The following CEP43 variants were observed in gnomAD, a reference collection of about 807,000 sequenced individuals.
CEP43 encodes FGFR1 oncogene partner.
Under a neutral mutation model 52.6 loss-of-function variants are expected in CEP43, and 36 were observed. The ratio of observed to expected loss-of-function variants is 0.68; its 90% CI spans 0.52 to 0.90. CEP43 has a LOEUF of 0.90. Ranked by LOEUF, CEP43 falls within the 40% of genes least tolerant of loss-of-function variation. The probability of loss-of-function intolerance (pLI) is 0.00; values close to 1 mark genes in which losing one functional copy is unlikely to be tolerated. For synonymous variants in CEP43, 192 were observed against 172.4 expected, an observed-to-expected ratio of 1.11 and a Z score of -0.89; for missense variants, 506 against 472.8, an observed-to-expected ratio of 1.07 and a Z score of -0.65.
intron 7 of CEP43, among the ~76,000 whole-genome samples, chr6:167,022,070 A>G (rs1280497452): frequency 1.3e-5 from 2 of 152,238 alleles, no homozygotes; most frequent in East Asian, 1.9e-4. Flanking sequence ...TTGTTTCTCA[A>G]TGGGAAAGTG....
rs945866730 is a variant in CEP43 at position 167,043,434 on chromosome 6, G to A, written c.*3456G>A. ...TTGTTCTTGTTGCCCAGGCTGGAGT[G>A]CCATGGGGCGACCTCGGCTCACTGC... is the stretch of plus-strand genomic sequence containing the variant. On this transcript the variant is annotated 3_prime_UTR_variant, in exon 13 of 13. Coordinates refer to ENST00000366847, the MANE Select transcript of CEP43 (RefSeq NM_007045.4). The A allele has an allele frequency of 1.4e-5, 2 of 143,574 alleles. No individual in the cohort carries two copies. The highest frequency in any genetic ancestry group is 3.0e-5 in the Non-Finnish European group (2 of 66,966). 8.9% of individuals were successfully genotyped at this position (143,574 alleles called of 1,614,324 possible). A position where few individuals can be genotyped will look rare whatever the true frequency, so the allele number is the denominator to read the frequency against.
intron 5 of CEP43, among the ~76,000 whole-genome samples, chr6:167,006,722 T>G (rs1303170816): frequency 6.6e-6 from 1 of 152,210 alleles, no homozygotes; most frequent in Non-Finnish European, 1.5e-5. Flanking sequence ...ACCAGTCCCC[T>G]GTGGATACTG....
chr6:167,031,835 T>C (rs78929321), intron 10 of CEP43, among the ~76,000 whole-genome samples: 1 of 152,208 alleles, frequency 6.6e-6, no homozygotes, highest in Admixed American at 6.5e-5. Flanking sequence ...GCTGCTGATT[T>C]GCAAATTTGT....
At position 167,040,639 on chromosome 6, in the gene CEP43, G is replaced by A; in HGVS notation, c.*661G>A. 9.7e-7 allele frequency: 1 copy of A among 1,030,348 alleles called. No homozygotes were observed. Among genetic ancestry groups the A allele is most frequent in the Non-Finnish European group, 1.2e-6 (1 of 854,900 alleles). 63.8% of individuals were successfully genotyped at this position (1,030,348 alleles called of 1,614,324 possible). A position where few individuals can be genotyped will look rare whatever the true frequency, so the allele number is the denominator to read the frequency against. On this transcript the variant is annotated 3_prime_UTR_variant, in exon 13 of 13. Coordinates refer to ENST00000366847, the MANE Select transcript of CEP43 (RefSeq NM_007045.4). The stretch of plus-strand genomic sequence containing the variant: ...GTTATGAGTTTTAATTCATAGAATT[G>A]TCAATAACATAACATTTGCAATCGT...
rs1330540915 is a variant in CEP43 at position 167,042,256 on chromosome 6, G to A, written c.*2278G>A. On this transcript the variant is annotated 3_prime_UTR_variant, in exon 13 of 13. Coordinates refer to ENST00000366847, the MANE Select transcript of CEP43 (RefSeq NM_007045.4). Reference sequence around the variant, plus strand: ...ATGTGAAGTGACAGGTTTTGCATGTGATGAGTGTTTTCTGTTAAAAAATAA... The same window carrying A: ...ATGTGAAGTGACAGGTTTTGCATGTAATGAGTGTTTTCTGTTAAAAAATAA... 8 of 1,005,816 alleles carry A rather than the reference G, an allele frequency of 8.0e-6. No individual in the cohort carries two copies. Among genetic ancestry groups the A allele is most frequent in the Non-Finnish European group, 9.5e-6 (8 of 841,130 alleles). The allele number at this position is 1,005,816 out of a possible 1,614,324, so 62.3% of individuals were successfully genotyped here. A position where few individuals can be genotyped will look rare whatever the true frequency, so the allele number is the denominator to read the frequency against.
At position 167,024,778 on chromosome 6, in the gene CEP43, T is replaced by C; in HGVS notation, c.807-4T>C. ...ACCGATTAACTGTCCTTGTTTCTTG[T>C]TAGGAGGAAGGAACCTAGGAAGCAA... On this transcript the variant is annotated splice_polypyrimidine_tract_variant and splice_region_variant and intron_variant, in intron 8 of 12. Transcript: ENST00000366847. 6.2e-7 allele frequency: 1 copy of C among 1,607,194 alleles called. No homozygotes were observed. Among genetic ancestry groups the C allele is most frequent in the South Asian group, 1.1e-5 (1 of 90,598 alleles).
intron 5 of CEP43, among the ~76,000 whole-genome samples, chr6:167,008,502 T>C (rs1052038241): frequency 2.0e-5 from 3 of 152,078 alleles, no homozygotes; most frequent in African/African-American, 7.2e-5. Flanking sequence ...TCTTGCTCTG[T>C]TGCCCAGGCT....
At chr6:167,017,346 A>G (rs144725253) in intron 7 of CEP43, among the ~76,000 whole-genome samples, 1 of 152,322 alleles carries the variant, frequency 6.6e-6, no homozygotes, top group East Asian at 1.9e-4. Context: ...ACATAGCATT[A>G]CATTTATTAG....
At chr6:166,999,988 C>A in intron 1 of CEP43, 72 bp from the exon 2 acceptor site, 1 of 1,346,640 alleles carries the variant, frequency 7.4e-7, no homozygotes, top group Non-Finnish European at 1.1e-6. Context: ...GTGTTTGTTG[C>A]TGGATAAATG....
At chr6:167,036,519 A>G (rs995165205) in intron 12 of CEP43, 3 of 985,344 alleles carry the variant, frequency 3.0e-6, no homozygotes, top group African/African-American at 3.5e-5. Flanking sequence ...GGGACAGAAC[A>G]TAAGTGTGCA....
chr6:167,045,386 G>A lies in CEP43; in HGVS notation c.*5408G>A, dbSNP rs1296538882. ...CCCCCCCGCGGCCCAGCCTCCCAAA[G>A]TGCTGGGATTACAGGCATGAGCCAC... is the stretch of plus-strand genomic sequence containing the variant. On this transcript the variant is annotated 3_prime_UTR_variant, in exon 13 of 13. Transcript: ENST00000366847. The A allele has an allele frequency of 7.0e-6, 1 of 142,290 alleles. No individual in the cohort carries two copies. 8.8% of individuals were successfully genotyped at this position (142,290 alleles called of 1,614,324 possible). A position where few individuals can be genotyped will look rare whatever the true frequency, so the allele number is the denominator to read the frequency against.
intron 9 of CEP43, among the ~76,000 whole-genome samples, chr6:167,025,997 A>C (rs1386654010): frequency 6.6e-6 from 1 of 152,212 alleles, no homozygotes; most frequent in Non-Finnish European, 1.5e-5. Context: ...GTTTATGGAA[A>C]GTGATGTCTT....
chr6:167,003,596 G>A, intron 3 of CEP43, 127 bp from the exon 4 acceptor site: 1 of 613,038 alleles, frequency 1.6e-6, no homozygotes, highest in Non-Finnish European at 2.8e-6. Flanking sequence ...ATTCAAAGAG[G>A]AAATTTGTAA....
chr6:167,002,065 G>A (rs1197139643), intron 2 of CEP43, among the ~76,000 whole-genome samples: 1 of 152,130 alleles, frequency 6.6e-6, no homozygotes, highest in Non-Finnish European at 1.5e-5. Flanking sequence ...TAAAGCTAAA[G>A]TATTTAATAT....
rs1780698325 is a variant in CEP43, at chr6:167,041,670, T to A, written c.*1692T>A. ...GAAATGATTTGAAAGCATAGCAGGATGTGGCTTTTTAAATTTATGAAACTT... is the reference window on the plus strand; with the variant it reads ...GAAATGATTTGAAAGCATAGCAGGAAGTGGCTTTTTAAATTTATGAAACTT... On this transcript the variant is annotated 3_prime_UTR_variant, in exon 13 of 13. Coordinates refer to ENST00000366847, the MANE Select transcript of CEP43 (RefSeq NM_007045.4). 1 of 1,043,176 alleles carries A rather than the reference T, an allele frequency of 9.6e-7. No homozygotes were observed. The highest frequency in any genetic ancestry group is 1.2e-6 in the Non-Finnish European group (1 of 865,358). The allele number at this position is 1,043,176 out of a possible 1,614,324, so 64.6% of individuals were successfully genotyped here.
rs1023413459 is a variant in CEP43, at chr6:167,052,629, C to T, written c.*12651C>T. 7 of 152,158 alleles carry T rather than the reference C, an allele frequency of 4.6e-5. No individual in the cohort carries two copies. The highest frequency in any genetic ancestry group is 1.4e-4 in the African/African-American group (6 of 41,430). The allele number at this position is 152,158 out of a possible 1,614,324, so 9.4% of individuals were successfully genotyped here. On this transcript the variant is annotated 3_prime_UTR_variant, in exon 13 of 13. Coordinates refer to ENST00000366847, the MANE Select transcript of CEP43 (RefSeq NM_007045.4). Reference sequence around the variant, plus strand: ...ATAGTTTTCATGACAGACTTCATTGCGATAGTCAAATACTGTTCCACTTAC... The same window carrying T: ...ATAGTTTTCATGACAGACTTCATTGTGATAGTCAAATACTGTTCCACTTAC...
Position 167,040,219 on chromosome 6 carries a change from G to T in CEP43, c.*241G>T. On this transcript the variant is annotated 3_prime_UTR_variant, in exon 13 of 13. Coordinates refer to ENST00000366847, the MANE Select transcript of CEP43 (RefSeq NM_007045.4). ...AACTGTACATTTCTTTATGGAAATT[G>T]ATTATCTACACTCAGTTTCATTACA... 6.6e-7 allele frequency: 1 copy of T among 1,525,506 alleles called. No homozygotes were observed. The highest frequency in any genetic ancestry group is 1.2e-5 in the South Asian group (1 of 81,590). The allele number at this position is 1,525,506 out of a possible 1,614,324, so 94.5% of individuals were successfully genotyped here.
In CEP43 at chr6:167,051,142, G is replaced by A. The variant is rs6920858; in HGVS notation, c.*11164G>A. On this transcript the variant is annotated 3_prime_UTR_variant, in exon 13 of 13. Coordinates refer to ENST00000366847, the MANE Select transcript of CEP43 (RefSeq NM_007045.4). The stretch of plus-strand genomic sequence containing the variant: ...CAGGTTCAAGTAGGGCCATCTGGTT[G>A]TCAGAAATGCAAAAGCCTGGAAAGT... The A allele has an allele frequency of 0.31, 47,412 of 152,034 alleles. 8,186 individuals are homozygous for A. Among genetic ancestry groups the A allele is most frequent in the Middle Eastern group, 0.41 (122 of 294 alleles). The allele number at this position is 152,034 out of a possible 1,614,324, so 9.4% of individuals were successfully genotyped here. A position where few individuals can be genotyped will look rare whatever the true frequency, so the allele number is the denominator to read the frequency against.
Position 167,041,487 on chromosome 6 carries a change from C to T in CEP43, c.*1509C>T. 9.5e-7 allele frequency: 1 copy of T among 1,058,098 alleles called. No homozygotes were observed. Among genetic ancestry groups the T allele is most frequent in the Non-Finnish European group, 1.1e-6 (1 of 874,782 alleles). The allele number at this position is 1,058,098 out of a possible 1,614,324, so 65.5% of individuals were successfully genotyped here. A position where few individuals can be genotyped will look rare whatever the true frequency, so the allele number is the denominator to read the frequency against. On this transcript the variant is annotated 3_prime_UTR_variant, in exon 13 of 13. Transcript: ENST00000366847. ...AAACAGCACCACGTGCAGATGTAAT[C>T]TTGTTGCAGTCCCCCAGTGTGGTTG...
Sources: allele counts gnomAD v4.1 joint callset (sites outside exome capture counted in the v4.1 genomes callset), GRCh38; gene constraint gnomAD v4.1.1; transcripts MANE v1.5; gene names NCBI Gene and HGNC (gene_info 2026-07-23, HGNC 2026-07-21).